RAB3IP: variants seen among roughly 807,000 people sequenced by gnomAD.
The protein encoded by RAB3IP is RAB3A interacting protein.
RAB3IP carries 36 observed loss-of-function variants against 59.1 expected under a neutral mutation model. The observed-to-expected ratio is 0.61, with a 90% confidence interval of 0.47 to 0.80. The LOEUF (loss-of-function observed/expected upper bound fraction) is 0.80. Ranked by LOEUF, RAB3IP falls within the 30% of genes least tolerant of loss-of-function variation. RAB3IP has a pLI of 0.00. For synonymous variants in RAB3IP, 207 were observed against 191.2 expected (o/e 1.08, Z -0.68); for missense variants, 511 against 536.0 (o/e 0.95, Z 0.46).
intron 3 of RAB3IP, among the ~76,000 whole-genome samples, chr12:69,764,451 T>A (rs181866978): frequency 6.6e-6 from 1 of 152,348 alleles, no homozygotes; most frequent in Admixed American, 6.5e-5. Flanking sequence ...ATCAGATGGC[T>A]GTAGGTCCAG....
At position 69,741,416 on chromosome 12, in the gene RAB3IP, C is replaced by G. The variant is rs74983234; in HGVS notation, c.-26+2385C>G. Among the ~76,000 whole-genome samples, 914 of 152,334 alleles carry G rather than the reference C, an allele frequency of 6.0e-3. 10 individuals are homozygous for G. Among genetic ancestry groups the G allele is most frequent in the African/African-American group, 0.021 (871 of 41,572 alleles). On this transcript the variant is annotated intron_variant, in intron 1 of 10. Transcript: ENST00000247833. ...ACGTAGTGCTTTTGTTTCTTACATTCCTGGTCTGCACCTTCTATTAAAGAG... is the reference window on the plus strand; with the variant it reads ...ACGTAGTGCTTTTGTTTCTTACATTGCTGGTCTGCACCTTCTATTAAAGAG...
intron 3 of RAB3IP, among the ~76,000 whole-genome samples, chr12:69,762,933 T>C (rs995594909): frequency 6.7e-6 from 1 of 150,214 alleles, no homozygotes; most frequent in Non-Finnish European, 1.5e-5. Flanking sequence ...AAGACATTTG[T>C]AAACATTAAC....
rs1038576479 is a variant in RAB3IP, at chr12:69,741,295, C to A, written c.-26+2264C>A. On this transcript the variant is annotated intron_variant, in intron 1 of 10. Transcript: ENST00000247833. ...CAGGAAATGGAGGCTTAGAAAGTTG[C>A]GATAATTTGTCTATGGTTACTTAGT... 2.6e-5 allele frequency among the ~76,000 whole-genome samples: 4 copies of A among 152,186 alleles called. No homozygotes were observed. The East Asian group carries it at 7.7e-4, about 29-fold the overall frequency.
intron 3 of RAB3IP, among the ~76,000 whole-genome samples, chr12:69,783,536 C>G (rs370960416): frequency 1.3e-5 from 2 of 152,290 alleles, no homozygotes; most frequent in South Asian, 2.1e-4. Context: ...TTACGTACTC[C>G]TCTAAGATGT....
chr12:69,755,279 A>G (rs974128513), intron 1 of RAB3IP, 105 bp from the exon 2 acceptor site: 1 of 1,032,570 alleles, frequency 9.7e-7, no homozygotes, highest in Admixed American at 2.8e-5. Flanking sequence ...TTGTAAGCTT[A>G]TAATTTACAA....
rs368968833 is a variant in RAB3IP, at chr12:69,758,331, T to C, written c.510+1668T>C. ...ACATTTAATGGATAATGGTATAGTT[T>C]GGTTTAAATTTACCATCTTACTGTT... On this transcript the variant is annotated intron_variant, in intron 3 of 10. Transcript: ENST00000247833. 4.2e-4 allele frequency among the ~76,000 whole-genome samples: 64 copies of C among 152,360 alleles called. 1 individual carries two copies. Among genetic ancestry groups the C allele is most frequent in the African/African-American group, 1.5e-3 (61 of 41,600 alleles).
intron 1 of RAB3IP, among the ~76,000 whole-genome samples, chr12:69,742,890 A>C (rs896974900): frequency 3.3e-5 from 5 of 152,260 alleles, no homozygotes; most frequent in Non-Finnish European, 5.9e-5. Flanking sequence ...TTATCTTAGA[A>C]TATAGGGCAA....
In RAB3IP at chr12:69,763,640, G is replaced by A. The variant is rs142384391; in HGVS notation, c.510+6977G>A. On this transcript the variant is annotated intron_variant, in intron 3 of 10. Coordinates refer to ENST00000247833, the MANE Select transcript of RAB3IP (RefSeq NM_022456.5). The stretch of plus-strand genomic sequence containing the variant: ...CTTCAACTTTTATTTTAAATTTAGG[G>A]GGTATATGTGCAGGTATATTACCTG... 7.7e-3 allele frequency among the ~76,000 whole-genome samples: 1,166 copies of A among 152,046 alleles called. 16 individuals carry two copies. The highest frequency in any genetic ancestry group is 0.04 in the South Asian group (194 of 4,800).
chr12:69,765,380 C>T (rs960110352), intron 3 of RAB3IP, among the ~76,000 whole-genome samples: 1 of 152,156 alleles, frequency 6.6e-6, no homozygotes, highest in Non-Finnish European at 1.5e-5. Context: ...GCTTTTTCCA[C>T]CTCTGTTGAG....
chr12:69,785,216 A>C (rs1875443370), intron 4 of RAB3IP, among the ~76,000 whole-genome samples: 1 of 152,210 alleles, frequency 6.6e-6, no homozygotes, highest in Admixed American at 6.5e-5. Flanking sequence ...ACTTGTAAGA[A>C]GGCATACTTT....
chr12:69,803,576 C>T (rs560338602), intron 8 of RAB3IP, among the ~76,000 whole-genome samples: 1 of 151,812 alleles, frequency 6.6e-6, no homozygotes, highest in Admixed American at 6.6e-5. Flanking sequence ...ATACATGGGC[C>T]ATGTTGGTGT....
intron 3 of RAB3IP, among the ~76,000 whole-genome samples, chr12:69,761,430 G>GATCCATAT (rs773980900): frequency 6.6e-5 from 10 of 152,082 alleles, no homozygotes; most frequent in Non-Finnish European, 1.0e-4. Flanking sequence ...TCAAATTGTT[G>GATCCATAT]ATCCATATAT....
In RAB3IP at chr12:69,801,034, G is replaced by A. The variant is rs189455189; in HGVS notation, c.1018-575G>A. ...AATATATCTTGTTCATTGTGGCTCT[G>A]TATCTGGTTTCAGGTAGGCCATTCA... is the stretch of plus-strand genomic sequence containing the variant. On this transcript the variant is annotated intron_variant, in intron 7 of 10. Coordinates refer to ENST00000247833, the MANE Select transcript of RAB3IP (RefSeq NM_022456.5). Among the ~76,000 whole-genome samples the A allele has an allele frequency of 2.6e-4, 39 of 152,294 alleles. No individual in the cohort carries two copies. In the East Asian group the frequency reaches 6.8e-3, roughly 26 times the overall value.
At chr12:69,738,642 C>G (rs530621509), upstream of RAB3IP, 42 of 151,950 alleles carry the variant, frequency 2.8e-4, no homozygotes, top group Middle Eastern at 3.4e-3. Context: ...AGCTCCGGCT[C>G]GCGCTGGTTC....
intron 4 of RAB3IP, among the ~76,000 whole-genome samples, chr12:69,793,721 A>T (rs4619192): frequency 0.88 from 133,291 of 152,182 alleles, 58,675 homozygotes; most frequent in Admixed American, 0.93. Flanking sequence ...ATACATATAA[A>T]CAGAATGTAA....
rs550079952 is a variant in RAB3IP, at chr12:69,786,591, G to A, written c.606+1776G>A. Among the ~76,000 whole-genome samples the A allele has an allele frequency of 5.3e-5, 8 of 152,078 alleles. No individual in the cohort carries two copies. The South Asian group carries it at 1.0e-3, about 20-fold the overall frequency. On this transcript the variant is annotated intron_variant, in intron 4 of 10. Transcript: ENST00000247833. Reference sequence around the variant, plus strand: ...CTGGAAGAAAATTTTGTAGTGATATGGATATTAGGTAAGAAAGCAAATATA... The same window carrying A: ...CTGGAAGAAAATTTTGTAGTGATATAGATATTAGGTAAGAAAGCAAATATA...
At chr12:69,800,643 G>T (rs1878228551) in intron 7 of RAB3IP, among the ~76,000 whole-genome samples, 2 of 152,084 alleles carry the variant, frequency 1.3e-5, no homozygotes, top group African/African-American at 4.8e-5. Flanking sequence ...CAGTGTAAGG[G>T]AAGTTCTCTA....
chr12:69,739,257 G>C (rs980696564), intron 1 of RAB3IP: 2 of 152,244 alleles, frequency 1.3e-5, no homozygotes, highest in Admixed American at 6.6e-5. Context: ...CGGCGTGTGG[G>C]GGGGACTTTG....
At chr12:69,770,991 A>G (rs1337821204) in intron 3 of RAB3IP, among the ~76,000 whole-genome samples, 1 of 152,046 alleles carries the variant, frequency 6.6e-6, no homozygotes, top group Non-Finnish European at 1.5e-5. Context: ...TGTTTTACCA[A>G]CCTCTCCTCA....
Sources: allele counts gnomAD v4.1 joint callset (sites outside exome capture counted in the v4.1 genomes callset), GRCh38; gene constraint gnomAD v4.1.1; transcripts MANE v1.5; gene names NCBI Gene and HGNC (gene_info 2026-07-23, HGNC 2026-07-21).